The following NFIL3 variants were observed in gnomAD, a reference collection of about 807,000 sequenced individuals.
NFIL3 encodes the protein nuclear factor, interleukin 3 regulated.
Under a neutral mutation model 10.0 loss-of-function variants are expected in NFIL3, and 5 were observed. That is an observed-to-expected ratio of 0.50 (90% CI 0.26 to 1.06). The LOEUF (loss-of-function observed/expected upper bound fraction) is 1.06, where lower values mean the gene tolerates loss of function less well. Among genes scored for constraint, NFIL3 ranks in the 50% least tolerant of loss-of-function variants. The pLI is 0.13. For missense variants in NFIL3, 436 were observed against 547.6 expected (o/e 0.80, Z 2.03); for synonymous variants, 202 against 206.5 (o/e 0.98, Z 0.19).
At chr9:91,415,616 ACTT>A (rs747495635) in intron 1 of NFIL3, among the ~76,000 whole-genome samples, 14 of 147,480 alleles carry the variant, frequency 9.5e-5, no homozygotes, top group African/African-American at 2.2e-4. Flanking sequence ...TAACTTAACT[ACTT>A]CTTCTTTTTT....
chr9:91,443,775 C>A, the NFIL3 span, among the ~76,000 whole-genome samples: 1 of 152,192 alleles, frequency 6.6e-6, no homozygotes, highest in Non-Finnish European at 1.5e-5. Flanking sequence ...CTGTTACCAG[C>A]CCCCACCAGC....
intron 1 of NFIL3, among the ~76,000 whole-genome samples, chr9:91,415,623 CTTTT>C (rs994764308): frequency 1.4e-5 from 2 of 142,762 alleles, no homozygotes; most frequent in Admixed American, 7.0e-5. Flanking sequence ...ACTACTTCTT[CTTTT>C]TTTTTTTTTT....
At chr9:91,411,915 A>G (rs1382111462) in intron 1 of NFIL3, among the ~76,000 whole-genome samples, 5 of 152,020 alleles carry the variant, frequency 3.3e-5, no homozygotes, top group Admixed American at 3.3e-4. Flanking sequence ...ATCCTGGCCA[A>G]CATGGTGAAA....
the NFIL3 span, among the ~76,000 whole-genome samples, chr9:91,460,679 G>C: frequency 4.6e-3 from 704 of 152,160 alleles, 3 homozygotes; most frequent in Non-Finnish European, 6.3e-3. Flanking sequence ...ATTTTTCAAG[G>C]GTTTTCCCTG....
Position 91,410,157 on chromosome 9 carries a change from A to C in NFIL3, c.578T>G (p.Val193Gly), listed in dbSNP as rs1214340798. ...PQSSLSDVSE[V>G]SSVEHTQESS... ...CTCCTGCGTGTGTTCTACTGAGGAC[A>C]CTTCTGAAACATCGGACAGCGAGCT... The change falls in exon 2 of 2, where the codon GTG becomes GGG. Residue 193 changes from valine to glycine, a missense_variant. Val to Gly is a moderately radical substitution (Grantham distance 109). Coordinates refer to ENST00000297689, the MANE Select transcript of NFIL3 (RefSeq NM_005384.3). The surrounding 1 kb of genome is among the most constrained non-coding windows in gnomAD (Gnocchi z 5.7). 1 of 1,614,158 alleles carries C rather than the reference A, an allele frequency of 6.2e-7. No homozygotes were observed. Among genetic ancestry groups the C allele is most frequent in the Non-Finnish European group, 8.5e-7 (1 of 1,180,018 alleles).
upstream of NFIL3, among the ~76,000 whole-genome samples, chr9:91,426,011 C>A (rs188922889): frequency 1.3e-5 from 2 of 152,224 alleles, no homozygotes; most frequent in Non-Finnish European, 2.9e-5. Context: ...ATTTCAAAGC[C>A]GTTGTAGTAA....
At chr9:91,455,649 T>C in the NFIL3 span, among the ~76,000 whole-genome samples, 3 of 152,328 alleles carry the variant, frequency 2.0e-5, no homozygotes, top group African/African-American at 7.2e-5. Flanking sequence ...AAAGGTTTAT[T>C]GATGTGTAAT....
chr9:91,443,958 G>T, the NFIL3 span, among the ~76,000 whole-genome samples: 1 of 152,132 alleles, frequency 6.6e-6, no homozygotes, highest in Non-Finnish European at 1.5e-5. Context: ...CATGAATCTA[G>T]ACATTAATAT....
At chr9:91,444,580 T>C in the NFIL3 span, among the ~76,000 whole-genome samples, 5 of 152,314 alleles carry the variant, frequency 3.3e-5, no homozygotes, top group East Asian at 9.6e-4. Context: ...ACAGTGGCTT[T>C]TGTTGGGAAA....
At chr9:91,479,176 C>T in the NFIL3 span, among the ~76,000 whole-genome samples, 1 of 152,198 alleles carries the variant, frequency 6.6e-6, no homozygotes, top group African/African-American at 2.4e-5. Flanking sequence ...GAGCACTGTG[C>T]TGGGGGATCC....
At chr9:91,464,238 C>A in the NFIL3 span, among the ~76,000 whole-genome samples, 1 of 151,966 alleles carries the variant, frequency 6.6e-6, no homozygotes, top group African/African-American at 2.4e-5. Flanking sequence ...TGTTTCTGCC[C>A]TCTCAGGTTT....
the NFIL3 span, among the ~76,000 whole-genome samples, chr9:91,479,960 G>A: frequency 2.0e-5 from 3 of 151,988 alleles, no homozygotes; most frequent in African/African-American, 4.8e-5. Context: ...ACCCTGCTTC[G>A]GCTCACCCTC....
chr9:91,426,447 A>C (rs1212207240), upstream of NFIL3: 1 of 152,206 alleles, frequency 6.6e-6, no homozygotes, highest in Non-Finnish European at 1.5e-5. Context: ...AACCTAAGAT[A>C]TTTGAAACAA....
the NFIL3 span, among the ~76,000 whole-genome samples, chr9:91,464,542 T>G: frequency 0.03 from 4,575 of 152,178 alleles, 94 homozygotes; most frequent in East Asian, 0.092. Context: ...ACAGTTATCT[T>G]TTGTATCAAT....
At chr9:91,453,411 T>A in the NFIL3 span, among the ~76,000 whole-genome samples, 1 of 152,066 alleles carries the variant, frequency 6.6e-6, no homozygotes, top group Non-Finnish European at 1.5e-5. Context: ...AAAAGCAGAA[T>A]ACAAACATTT....
the NFIL3 span, among the ~76,000 whole-genome samples, chr9:91,474,286 T>C: frequency 6.6e-6 from 1 of 152,198 alleles, no homozygotes; most frequent in Non-Finnish European, 1.5e-5. Context: ...TGCACACCTG[T>C]AATGAATTCC....
chr9:91,438,223 T>A, the NFIL3 span, among the ~76,000 whole-genome samples: 1 of 152,208 alleles, frequency 6.6e-6, no homozygotes, highest in Non-Finnish European at 1.5e-5. Flanking sequence ...TGAGGTCGTA[T>A]CTCATTGTGA....
chr9:91,457,384 G>A, the NFIL3 span, among the ~76,000 whole-genome samples: 3 of 151,720 alleles, frequency 2.0e-5, no homozygotes, highest in Admixed American at 6.6e-5. Context: ...CACTGTTATC[G>A]CTGTTATTTA....
At chr9:91,474,387 G>C in the NFIL3 span, among the ~76,000 whole-genome samples, 4 of 152,212 alleles carry the variant, frequency 2.6e-5, no homozygotes, top group Non-Finnish European at 4.4e-5. Context: ...GCTAACGAGA[G>C]ATATTGGTGT....
Sources: gnomAD v4.1 joint callset for allele counts (sites outside exome capture counted in the v4.1 genomes callset) on GRCh38, gnomAD v4.1.1 for gene constraint, Gnocchi (gnomAD v3.1) non-coding constraint, MANE v1.5 for transcripts, NCBI Gene and HGNC (gene_info 2026-07-23, HGNC 2026-07-21) for gene names.